The following ACTR3C variants were observed in gnomAD, a reference collection of about 807,000 sequenced individuals.
ACTR3C encodes actin-related protein 3C.
Under a neutral mutation model 26.3 loss-of-function variants are expected in ACTR3C, and 18 were observed. The observed-to-expected ratio is 0.68, with a 90% confidence interval of 0.47 to 1.01. The LOEUF (loss-of-function observed/expected upper bound fraction) is 1.01, where lower values mean the gene tolerates loss of function less well. Among genes scored for constraint, ACTR3C ranks in the 50% least tolerant of loss-of-function variants. The pLI is 0.00. For missense variants in ACTR3C, 184 were observed against 250.7 expected (o/e 0.73, Z 1.80); for synonymous variants, 55 against 94.5 (o/e 0.58, Z 2.42).
chr7:150,234,822 G>C, the ACTR3C span, among the ~76,000 whole-genome samples: 1 of 152,176 alleles, frequency 6.6e-6, no homozygotes, highest in African/African-American at 2.4e-5. Flanking sequence ...TTACACATTG[G>C]AGTTAAAGCC....
At chr7:150,111,371 C>G in the ACTR3C span, among the ~76,000 whole-genome samples, 1 of 105,220 alleles carries the variant, frequency 9.5e-6, no homozygotes, top group African/African-American at 4.7e-5. Flanking sequence ...CCTCCGAGCC[C>G]CTCCTCAAAT....
At chr7:149,913,958 T>C in the ACTR3C span, among the ~76,000 whole-genome samples, 1 of 149,570 alleles carries the variant, frequency 6.7e-6, no homozygotes, top group Non-Finnish European at 1.5e-5. Flanking sequence ...TGATCACGGC[T>C]CACTGCAGCC....
intron 5 of ACTR3C, among the ~76,000 whole-genome samples, chr7:150,285,870 T>C (rs887815818): frequency 6.6e-6 from 1 of 152,208 alleles, no homozygotes; most frequent in Admixed American, 6.5e-5. Flanking sequence ...CTTAAGATTA[T>C]CTAAATAATA....
chr7:149,919,366 G>A, the ACTR3C span, among the ~76,000 whole-genome samples: 6 of 150,898 alleles, frequency 4.0e-5, no homozygotes, highest in Non-Finnish European at 5.9e-5. Context: ...TCAGCCTCCT[G>A]AGTAGCTGGT....
At chr7:150,035,956 G>T in the ACTR3C span, among the ~76,000 whole-genome samples, 2 of 132,532 alleles carry the variant, frequency 1.5e-5, no homozygotes, top group South Asian at 2.4e-4. Context: ...TCAGAGCCAG[G>T]GCGGGAAGAG....
chr7:150,290,404 GAC>G (rs1836147536), intron 3 of ACTR3C, among the ~76,000 whole-genome samples: 1 of 152,204 alleles, frequency 6.6e-6, no homozygotes, highest in African/African-American at 2.4e-5. Flanking sequence ...CACAGGCTTG[GAC>G]ACACATCCAG....
the ACTR3C span, among the ~76,000 whole-genome samples, chr7:150,092,651 C>T: frequency 2.0e-5 from 3 of 150,520 alleles, no homozygotes; most frequent in Admixed American, 6.6e-5. Context: ...ATGTGTTCAG[C>T]AGGGTCCTTT....
At chr7:150,259,811 C>G (rs1474083703) in intron 6 of ACTR3C, among the ~76,000 whole-genome samples, 1 of 152,232 alleles carries the variant, frequency 6.6e-6, no homozygotes, top group Non-Finnish European at 1.5e-5. Flanking sequence ...CCCCACCTGT[C>G]ACCATAGCAA....
the ACTR3C span, among the ~76,000 whole-genome samples, chr7:150,135,513 A>T: frequency 2.0e-5 from 3 of 152,200 alleles, no homozygotes; most frequent in Non-Finnish European, 4.4e-5. Flanking sequence ...TGACAGGCAG[A>T]TGCAGAGACA....
chr7:149,881,729 G>A, the ACTR3C span: 1 of 152,586 alleles, frequency 6.6e-6, no homozygotes, highest in African/African-American at 2.4e-5. Flanking sequence ...CAAGGAGTGT[G>A]AGTTCACGGG....
chr7:149,959,239 TCTC>T, the ACTR3C span, among the ~76,000 whole-genome samples: 2 of 121,338 alleles, frequency 1.6e-5, no homozygotes, highest in Non-Finnish European at 3.5e-5. Context: ...ACCCCCACAA[TCTC>T]CTCCTGCTGC....
the ACTR3C span, among the ~76,000 whole-genome samples, chr7:149,913,035 C>T: frequency 7.9e-5 from 12 of 152,052 alleles, no homozygotes; most frequent in Non-Finnish European, 1.5e-5. Flanking sequence ...TTGAGACATT[C>T]AAATTTAAAA....
At chr7:150,150,349 A>G in the ACTR3C span, among the ~76,000 whole-genome samples, 2 of 152,174 alleles carry the variant, frequency 1.3e-5, no homozygotes, top group Non-Finnish European at 2.9e-5. Context: ...TCTTGATGCC[A>G]CCTTCTGAGA....
the ACTR3C span, among the ~76,000 whole-genome samples, chr7:149,893,577 GAC>G: frequency 6.6e-6 from 1 of 152,208 alleles, no homozygotes; most frequent in African/African-American, 2.4e-5. Flanking sequence ...CAGCTTCTAA[GAC>G]ACAGACAGGA....
chr7:150,183,105 T>C, the ACTR3C span, among the ~76,000 whole-genome samples: 1 of 150,892 alleles, frequency 6.6e-6, no homozygotes, highest in Non-Finnish European at 1.5e-5. Flanking sequence ...TGAACTTTAA[T>C]TTTAAATGCC....
the ACTR3C span, among the ~76,000 whole-genome samples, chr7:150,184,795 T>C: frequency 6.8e-6 from 1 of 147,694 alleles, no homozygotes; most frequent in South Asian, 2.1e-4. Context: ...ACCCCACCAG[T>C]GCATTCCTTC....
chr7:150,156,306 C>A, the ACTR3C span, among the ~76,000 whole-genome samples: 1 of 151,978 alleles, frequency 6.6e-6, no homozygotes, highest in African/African-American at 2.4e-5. Context: ...TTAAACTATG[C>A]ACTAATAGAA....
the ACTR3C span, among the ~76,000 whole-genome samples, chr7:149,944,333 A>G: frequency 1.3e-5 from 2 of 152,078 alleles, no homozygotes; most frequent in African/African-American, 2.4e-5. Context: ...TAATCCCAGA[A>G]TGGATTGGCC....
the ACTR3C span, among the ~76,000 whole-genome samples, chr7:150,131,279 C>T: frequency 6.6e-6 from 1 of 151,450 alleles, no homozygotes; most frequent in South Asian, 2.1e-4. Context: ...AACTTTCTGT[C>T]AAAGTTTTGG....
Sources: gnomAD v4.1 joint callset for allele counts (sites outside exome capture counted in the v4.1 genomes callset) on GRCh38, gnomAD v4.1.1 for gene constraint, MANE v1.5 for transcripts, NCBI Gene and HGNC (gene_info 2026-07-23, HGNC 2026-07-21) for gene names.